Variants in MUC4 observed in about 807,000 individuals in gnomAD.
The protein encoded by MUC4 is mucin 4, cell surface associated, also known as mucin-4.
MUC4 carries 202 observed loss-of-function variants against 257.9 expected under a neutral mutation model. That is an observed-to-expected ratio of 0.78 (90% CI 0.70 to 0.88). The LOEUF is 0.88. Ranked by LOEUF, MUC4 falls within the 40% of genes least tolerant of loss-of-function variation. MUC4 has a pLI of 0.00. For synonymous variants in MUC4, 2,351 were observed against 2,757.1 expected (o/e 0.85, Z 4.62); for missense variants, 5,976 against 6,513.7 (o/e 0.92, Z 2.84).
At chr3:195,797,514 A>C (rs149015543) in intron 1 of MUC4, among the ~76,000 whole-genome samples, 1 of 152,216 alleles carries the variant, frequency 6.6e-6, no homozygotes, top group Admixed American at 6.5e-5. Flanking sequence ...AACAATGTCA[A>C]TTATAACCCC....
intron 10 of MUC4, 115 bp from the exon 11 acceptor site, chr3:195,764,279 AGGGCAGGGCGGTGTTGGTGGAGAGCTTG>A (rs1719918969): frequency 8.2e-7 from 1 of 1,221,050 alleles, no homozygotes; most frequent in East Asian, 2.6e-5. Context: ...AGAGCTTGGC[AGGGCAGGGCGGTGTTGGTGGAGAGCTTG>A]GCAGGGCAGG....
In MUC4 at chr3:195,799,260, T is replaced by TGTGTGTGTGTGA. The variant is rs1553889795; in HGVS notation, c.83-7764_83-7763insTCACACACACAC. On this transcript the variant is annotated intron_variant, in intron 1 of 24. Coordinates refer to ENST00000463781, the MANE Select transcript of MUC4 (RefSeq NM_018406.7). ...GTGTGTGTGTGTGTGTGTGTGTGTG[T>TGTGTGTGTGTGA]GACACTGTGTGTGTGTGTCCCTGCC... Among the ~76,000 whole-genome samples, 280 of 149,222 alleles carry TGTGTGTGTGTGA rather than the reference T, an allele frequency of 1.9e-3. 2 individuals carry two copies. Among genetic ancestry groups the TGTGTGTGTGTGA allele is most frequent in the East Asian group, 4.9e-3 (25 of 5,066 alleles).
chr3:195,770,625 G>A, intron 5 of MUC4: 1 of 558,110 alleles, frequency 1.8e-6, no homozygotes, highest in Non-Finnish European at 3.2e-6. Context: ...TTGAACTCAA[G>A]CATCTTAGCT....
Position 195,772,626 on chromosome 3 carries a change from C to T in MUC4, c.13078-810G>A, listed in dbSNP as rs1210625473. ...GGGTGCAGACACCCCATCTCCATCA[C>T]TTAGGGGGTGGAAACCTCTCTCTAT... On this transcript the variant is annotated intron_variant, in intron 4 of 24. Coordinates refer to ENST00000463781, the MANE Select transcript of MUC4 (RefSeq NM_018406.7). 4.2e-5 allele frequency among the ~76,000 whole-genome samples: 6 copies of T among 144,366 alleles called. No homozygotes were observed. The South Asian group carries it at 1.1e-3, about 27-fold the overall frequency. The allele number at this position is 144,366 out of a possible 152,430, so 94.7% of individuals were successfully genotyped here. A position where few individuals can be genotyped will look rare whatever the true frequency, so the allele number is the denominator to read the frequency against.
chr3:195,752,451 A>T lies in MUC4; in HGVS notation c.15509-5T>A. ...GGATGACTCTTAAGGGAAGTTCTGG[A>T]GATGGGAGAAGCAAATGTATCATCA... On this transcript the variant is annotated splice_region_variant and splice_polypyrimidine_tract_variant and intron_variant, in intron 20 of 24. Transcript: ENST00000463781. The T allele has an allele frequency of 1.2e-6, 2 of 1,612,086 alleles. No homozygotes were observed. The highest frequency in any genetic ancestry group is 1.7e-6 in the Non-Finnish European group (2 of 1,178,064).
In MUC4 at chr3:195,751,116, T is replaced by C. The variant is rs878954552; in HGVS notation, c.15648-4A>G. 1 of 1,075,722 alleles carries C rather than the reference T, an allele frequency of 9.3e-7. No individual in the cohort carries two copies. The highest frequency in any genetic ancestry group is 1.2e-6 in the Non-Finnish European group (1 of 845,106). 66.6% of individuals were successfully genotyped at this position (1,075,722 alleles called of 1,614,324 possible). A position where few individuals can be genotyped will look rare whatever the true frequency, so the allele number is the denominator to read the frequency against. On this transcript the variant is annotated splice_polypyrimidine_tract_variant and splice_region_variant and intron_variant, in intron 22 of 24. Coordinates refer to ENST00000463781, the MANE Select transcript of MUC4 (RefSeq NM_018406.7). The stretch of plus-strand genomic sequence containing the variant: ...CGAGGCCGGTGCTGCAGAATCGCTG[T>C]GTGGGAGGGCAACGGTGAGGGGGGG...
chr3:195,799,020 C>G (rs1734941119), intron 1 of MUC4, among the ~76,000 whole-genome samples: 1 of 152,156 alleles, frequency 6.6e-6, no homozygotes. Flanking sequence ...ACTCCCCCAA[C>G]TGGAAGCGTT....
chr3:195,764,558 C>T (rs567179073), intron 10 of MUC4, among the ~76,000 whole-genome samples: 4 of 152,072 alleles, frequency 2.6e-5, no homozygotes, highest in East Asian at 1.9e-4. Flanking sequence ...GCACGGCTGA[C>T]GGTCTGGGAA....
Position 195,782,973 on chromosome 3 carries a change from G to T in MUC4, c.8607C>A (p.Asp2869Glu), listed in dbSNP as rs750734665. 1.7e-5 allele frequency: 20 copies of T among 1,182,754 alleles called. No homozygotes were observed. Among genetic ancestry groups the T allele is most frequent in the Non-Finnish European group, 2.2e-5 (19 of 877,576 alleles). 73.3% of individuals were successfully genotyped at this position (1,182,754 alleles called of 1,614,324 possible). Residue 2869 changes from aspartate (D) to glutamate (E), a missense_variant, in exon 2 of 25, where the codon GAC becomes GAA. Around this residue, in one of 44 missense-constraint regions of MUC4, gnomAD observed 228 missense variants for 206.3 expected, o/e 1.11. Transcript: ENST00000463781. The stretch of plus-strand genomic sequence containing the variant: ...CATGACCTGTGGACACTGAGGAAGC[G>T]TCGGTGACAGGAAGAGAGGTGGCGT... The part of the protein sequence containing the change: ...TGHATSLPVT[D>E]ASSVSTGHAT...
rs1733511958 is a variant in MUC4, at chr3:195,789,117, T to C, written c.2463A>G (p.Ile821Met). The change falls in exon 2 of 25, where the codon ATA becomes ATG. Residue 821 changes from isoleucine (I) to methionine (M), a missense_variant. Physicochemically the swap from Ile to Met is conservative, Grantham distance 10. Coordinates refer to ENST00000463781, the MANE Select transcript of MUC4 (RefSeq NM_018406.7). ...ACCTTGTCGTCTCTCCTGAGGTGGA[T>C]ATTCCTTCGCTTCCTGAAGGTGTTG... ...SGTTPSGSEG[I>M]STSGETTRFS... 1.9e-6 allele frequency: 3 copies of C among 1,613,564 alleles called. No homozygotes were observed. The highest frequency in any genetic ancestry group is 4.5e-5 in the East Asian group (2 of 44,862).
At chr3:195,802,853 T>C (rs1287647029) in intron 1 of MUC4, among the ~76,000 whole-genome samples, 1 of 152,186 alleles carries the variant, frequency 6.6e-6, no homozygotes, top group Non-Finnish European at 1.5e-5. Context: ...ATTTTAAACA[T>C]GTTTTCCCCT....
At position 195,790,593 on chromosome 3, in the gene MUC4, G is replaced by T. The variant is rs201710829; in HGVS notation, c.987C>A (p.Ser329Arg). Residue 329 changes from serine (S) to arginine (R), a missense_variant, in exon 2 of 25, where the codon AGC becomes AGA. Physicochemically the swap from Ser to Arg is moderately radical, Grantham distance 110. Around this residue, in one of 44 missense-constraint regions of MUC4, gnomAD observed 1,583 missense variants for 1,257.4 expected, o/e 1.26. Transcript: ENST00000463781. ...TAFSKNHQTQ[S>R]VETTRVSQIN... Reference sequence around the variant, plus strand: ...TTTGAGATACTCTGGTGGTCTCCACGCTCTGAGTCTGGTGGTTCTTAGAAA... The same window carrying T: ...TTTGAGATACTCTGGTGGTCTCCACTCTCTGAGTCTGGTGGTTCTTAGAAA... The T allele has an allele frequency of 1.1e-5, 18 of 1,613,892 alleles. No homozygotes were observed. Among genetic ancestry groups the T allele is most frequent in the Non-Finnish European group, 1.5e-5 (18 of 1,179,890 alleles).
intron 19 of MUC4, chr3:195,753,962 C>G: frequency 2.1e-6 from 1 of 468,876 alleles, no homozygotes; most frequent in Non-Finnish European, 3.7e-6. Flanking sequence ...CCCGTCCCCT[C>G]CCCTATGCCT....
rs1394409095 is a variant in MUC4, at chr3:195,764,100, C to T, written c.13989G>A (p.Leu4663=). ...CCACGTGGGGCCGCCTCTGCTGGTACAGGGCACAGAGGTAGGGCTTGTCAT... is the reference window on the plus strand; with the variant it reads ...CCACGTGGGGCCGCCTCTGCTGGTATAGGGCACAGAGGTAGGGCTTGTCAT... ...RWNDKPYLCA[L]YQQRRPHVGC... The change falls in exon 11 of 25, where the codon CTG becomes CTA. Residue 4663 remains leucine (L), a synonymous_variant. Transcript: ENST00000463781. 2 of 1,606,948 alleles carry T rather than the reference C, an allele frequency of 1.2e-6. No homozygotes were observed. Among genetic ancestry groups the T allele is most frequent in the East Asian group, 4.5e-5 (2 of 44,618 alleles).
chr3:195,763,046 G>C, intron 12 of MUC4, 101 bp from the exon 13 acceptor site: 1 of 1,044,010 alleles, frequency 9.6e-7, no homozygotes, highest in Non-Finnish European at 1.4e-6. Context: ...TGCGCCCTGG[G>C]CCGGGAGGAA....
chr3:195,778,231 G>A, intron 3 of MUC4, 72 bp downstream of exon 3: 1 of 1,495,480 alleles, frequency 6.7e-7, no homozygotes, highest in South Asian at 1.3e-5. Context: ...GAGACTGTGG[G>A]AAGTAGGCTG....
At position 195,751,069 on chromosome 3, in the gene MUC4, T is replaced by C; in HGVS notation, c.15691A>G (p.Met5231Val). ...CGGTACTGGAACTCCGAGATGACCA[T>C]CCAGTGTTGGATGGGGCTTCCCGAG... ...PASGSPIQHW[M>V]VISEFQYRPR... The change falls in exon 23 of 25, where the codon ATG (methionine) becomes GTG (valine). Residue 5231 changes from methionine (M) to valine (V), a missense_variant. Met to Val is a conservative substitution (Grantham distance 21). Transcript: ENST00000463781. The C allele has an allele frequency of 1.9e-6, 3 of 1,599,278 alleles. No homozygotes were observed. Among genetic ancestry groups the C allele is most frequent in the Non-Finnish European group, 2.6e-6 (3 of 1,173,830 alleles).
intron 7 of MUC4, among the ~76,000 whole-genome samples, chr3:195,767,894 A>ACC (rs1721839736): frequency 7.1e-6 from 1 of 140,982 alleles, no homozygotes; most frequent in Admixed American, 6.8e-5. Context: ...CATCACCACC[A>ACC]CCATCACCAC....
At position 195,763,583 on chromosome 3, in the gene MUC4, A is replaced by T; in HGVS notation, c.14103T>A (p.Asn4701Lys). ...CGACCAGCAGGAAGTCCCCCAGCCC[A>T]TTGAAGGTGTAACTGACACCATCCA... ...TTLDGVSYTF[N>K]GLGDFLLVGA... is the part of the protein sequence containing the mutation. The change falls in exon 12 of 25, where the codon AAT becomes AAA. Residue 4701 changes from asparagine (N) to lysine (K), a missense_variant. Asn to Lys is a moderately conservative substitution (Grantham distance 94). Coordinates refer to ENST00000463781, the MANE Select transcript of MUC4 (RefSeq NM_018406.7). 2 of 1,595,044 alleles carry T rather than the reference A, an allele frequency of 1.3e-6. No individual in the cohort carries two copies. Among genetic ancestry groups the T allele is most frequent in the Non-Finnish European group, 1.7e-6 (2 of 1,169,820 alleles).
Sources: gnomAD v4.1 joint callset for allele counts (sites outside exome capture counted in the v4.1 genomes callset) on GRCh38, gnomAD v4.1.1 for gene constraint, gnomAD v4.1.1 regional missense constraint, MANE v1.5 for transcripts, NCBI Gene and HGNC (gene_info 2026-07-23, HGNC 2026-07-21) for gene names.